The following BRSK2 variants were observed in gnomAD, a reference collection of about 807,000 sequenced individuals.
BRSK2 encodes the protein serine/threonine-protein kinase BRSK2.
In BRSK2, 19 loss-of-function variants were observed where a neutral mutation model predicts 83.3. That is an observed-to-expected ratio of 0.23 (90% CI 0.16 to 0.33). The LOEUF (loss-of-function observed/expected upper bound fraction) is 0.33, where lower values mean the gene tolerates loss of function less well. Ranked by LOEUF, BRSK2 falls within the 10% of genes least tolerant of loss-of-function variation. The probability of loss-of-function intolerance (pLI) is 1.00; values close to 1 mark genes in which losing one functional copy is unlikely to be tolerated. For missense variants in BRSK2, 798 were observed against 1,042.3 expected (o/e 0.77, Z 3.23); for synonymous variants, 519 against 435.4 (o/e 1.19, Z -2.39).
At position 1,443,067 on chromosome 11, in the gene BRSK2, G is replaced by T; in HGVS notation, c.531-39G>T. 3 of 1,524,386 alleles carry T rather than the reference G, an allele frequency of 2.0e-6. No homozygotes were observed. In the South Asian group the frequency reaches 3.6e-5, roughly 19 times the overall value. The allele number at this position is 1,524,386 out of a possible 1,614,324, so 94.4% of individuals were successfully genotyped here. ...CACCCTGGGGGGAGGGCCTGGCAGC[G>T]CCCGGAGCCCCGCCGCTGACCTCTG... is the stretch of plus-strand genomic sequence containing the variant. On this transcript the variant is annotated intron_variant, in intron 5 of 19. Coordinates refer to ENST00000528841, the MANE Select transcript of BRSK2 (RefSeq NM_001256627.2).
rs1033865880 is a variant in BRSK2 at position 1,437,942 on chromosome 11, G to T, written c.187-364G>T. Among the ~76,000 whole-genome samples, 4 of 152,218 alleles carry T rather than the reference G, an allele frequency of 2.6e-5. No homozygotes were observed. In the South Asian group the frequency reaches 6.2e-4, roughly 24 times the overall value. The stretch of plus-strand genomic sequence containing the variant: ...CAGCCCTACAGGCTGGTGTCAGCCC[G>T]GCGGCCTGGGCTCCCTCCACTGAGG... On this transcript the variant is annotated intron_variant, in intron 2 of 19. Transcript: ENST00000528841.
At chr11:1,402,191 T>G (rs1846523191) in intron 1 of BRSK2, among the ~76,000 whole-genome samples, 1 of 152,112 alleles carries the variant, frequency 6.6e-6, no homozygotes, top group Non-Finnish European at 1.5e-5. Flanking sequence ...GACCTTGCGC[T>G]CTCCAGAGGC....
intron 1 of BRSK2, among the ~76,000 whole-genome samples, chr11:1,425,673 C>A (rs1355478873): frequency 1.3e-5 from 2 of 152,196 alleles, no homozygotes; most frequent in Non-Finnish European, 2.9e-5. Flanking sequence ...GCCCCCCACA[C>A]CCCCGCTCGT....
At position 1,459,247 on chromosome 11, in the gene BRSK2, TC is replaced by T; in HGVS notation, c.1987+13del. ...GGCGGCTTTCCAAATGTGGTAAGAA[TC>T]CCCCACGCTCACCTGGCACCTCCAC... On this transcript the variant is annotated intron_variant, in intron 19 of 19. Transcript: ENST00000528841. 6.2e-7 allele frequency: 1 copy of T among 1,612,752 alleles called. No homozygotes were observed. Among genetic ancestry groups the T allele is most frequent in the African/African-American group, 1.3e-5 (1 of 74,976 alleles).
In BRSK2 at chr11:1,460,914, C is replaced by G. The variant is rs745916254; in HGVS notation, c.*191C>G. 6.2e-7 allele frequency: 1 copy of G among 1,611,034 alleles called. No homozygotes were observed. The highest frequency in any genetic ancestry group is 2.2e-5 in the East Asian group (1 of 44,824). Reference sequence around the variant, plus strand: ...CACCCGCGCCCGCTCTCTTTTCTCTCTGTCTCTGCCTCTGCCTGTCTCTGA... The same window carrying G: ...CACCCGCGCCCGCTCTCTTTTCTCTGTGTCTCTGCCTCTGCCTGTCTCTGA... On this transcript the variant is annotated 3_prime_UTR_variant, in exon 20 of 20. Coordinates refer to ENST00000528841, the MANE Select transcript of BRSK2 (RefSeq NM_001256627.2).
chr11:1,457,389 C>G (rs1290244529), intron 18 of BRSK2, among the ~76,000 whole-genome samples: 1 of 152,206 alleles, frequency 6.6e-6, no homozygotes, highest in Non-Finnish European at 1.5e-5. Context: ...GGGGCTTCAC[C>G]ACAGCCTGAT....
chr11:1,446,440 G>A (rs1009943968), intron 12 of BRSK2, among the ~76,000 whole-genome samples: 10 of 152,012 alleles, frequency 6.6e-5, no homozygotes, highest in Admixed American at 6.5e-4. Context: ...GGGCTGAGCT[G>A]GGCTGGGCTG....
chr11:1,450,137 C>G (rs1366861875), intron 13 of BRSK2, among the ~76,000 whole-genome samples: 1 of 151,686 alleles, frequency 6.6e-6, no homozygotes, highest in African/African-American at 2.4e-5. Flanking sequence ...TTCTGGTCCT[C>G]CTGTGCCGTG....
intron 1 of BRSK2, among the ~76,000 whole-genome samples, chr11:1,416,562 C>T (rs530631813): frequency 6.6e-6 from 1 of 152,160 alleles, no homozygotes; most frequent in Non-Finnish European, 1.5e-5. Flanking sequence ...TTGTATTTAG[C>T]CTCAGTTTTG....
chr11:1,409,276 C>G (rs1225593465), intron 1 of BRSK2: 1 of 152,264 alleles, frequency 6.6e-6, no homozygotes, highest in Non-Finnish European at 1.5e-5. Flanking sequence ...CTCATGCTCC[C>G]GTGCCCGCCT....
rs1847560860 is a variant in BRSK2 at position 1,462,040 on chromosome 11, T to C, written c.*1317T>C. On this transcript the variant is annotated 3_prime_UTR_variant, in exon 20 of 20. Coordinates refer to ENST00000528841, the MANE Select transcript of BRSK2 (RefSeq NM_001256627.2). ...AAGGGGTAGGAGGAGGGCCCTCAGC[T>C]GGCCCTCCCCACACACAGGACGGCA... is the stretch of plus-strand genomic sequence containing the variant. The C allele has an allele frequency of 6.6e-6, 1 of 152,120 alleles. No homozygotes were observed. The allele number at this position is 152,120 out of a possible 1,614,324, so 9.4% of individuals were successfully genotyped here. A position where few individuals can be genotyped will look rare whatever the true frequency, so the allele number is the denominator to read the frequency against.
In BRSK2 at chr11:1,461,281, A is replaced by C; in HGVS notation, c.*558A>C. ...CCTGGTGGGCAACGTAGCCACAGGAACAGGCCCCGTCCACCGCCTCCACGC... is the reference window on the plus strand; with the variant it reads ...CCTGGTGGGCAACGTAGCCACAGGACCAGGCCCCGTCCACCGCCTCCACGC... On this transcript the variant is annotated 3_prime_UTR_variant, in exon 20 of 20. Transcript: ENST00000528841. 1 of 488,062 alleles carries C rather than the reference A, an allele frequency of 2.0e-6. No individual in the cohort carries two copies. Among genetic ancestry groups the C allele is most frequent in the Non-Finnish European group, 3.6e-6 (1 of 275,054 alleles). The allele number at this position is 488,062 out of a possible 1,614,324, so 30.2% of individuals were successfully genotyped here.
chr11:1,456,536 G>A lies in BRSK2; in HGVS notation c.1849+8G>A. 1 of 1,590,838 alleles carries A rather than the reference G, an allele frequency of 6.3e-7. No homozygotes were observed. The highest frequency in any genetic ancestry group is 8.6e-7 in the Non-Finnish European group (1 of 1,168,702). On this transcript the variant is annotated splice_region_variant and intron_variant, in intron 17 of 19. Coordinates refer to ENST00000528841, the MANE Select transcript of BRSK2 (RefSeq NM_001256627.2). ...CCTTCACCCTGCTCTCAGGTGAGCT[G>A]GCGCCCCCAGGGCGGCTCCGGGCCC...
rs1847350348 is a variant in BRSK2, at chr11:1,460,598, A to C, written c.2086A>C (p.Ser696Arg). ...AQAPSTPAKRSAHGPLGDSAA... is the reference protein window; with the variant it reads ...AQAPSTPAKRRAHGPLGDSAA... Reference sequence around the variant, plus strand: ...GGCCCCCAGCACGCCCGCCAAGCGGAGTGCCCACGGCCCACTCGGTGACTC... The same window carrying C: ...GGCCCCCAGCACGCCCGCCAAGCGGCGTGCCCACGGCCCACTCGGTGACTC... Residue 696 changes from serine to arginine, a missense_variant, in exon 20 of 20, where the codon AGT (serine) becomes CGT (arginine). By Grantham distance (110) the Ser-to-Arg change is moderately radical. Around this residue, in one of 6 missense-constraint regions of BRSK2, gnomAD observed 455 missense variants for 455.2 expected, o/e 1.00. Transcript: ENST00000528841. 6.5e-7 allele frequency: 1 copy of C among 1,532,198 alleles called. No homozygotes were observed. Among genetic ancestry groups the C allele is most frequent in the African/African-American group, 1.4e-5 (1 of 72,566 alleles). The allele number at this position is 1,532,198 out of a possible 1,614,324, so 94.9% of individuals were successfully genotyped here.
At chr11:1,443,057 G>A in intron 5 of BRSK2, 49 bp from the exon 6 acceptor site, 1 of 1,519,690 alleles carries the variant, frequency 6.6e-7, no homozygotes, top group Non-Finnish European at 8.8e-7. Flanking sequence ...TGGGGGGAGG[G>A]CCTGGCAGCG....
intron 18 of BRSK2, among the ~76,000 whole-genome samples, chr11:1,457,766 T>A (rs1382278577): frequency 2.0e-5 from 3 of 152,096 alleles, no homozygotes; most frequent in Admixed American, 1.3e-4. Context: ...CCCCATGACA[T>A]CCTCATTCCA....
intron 3 of BRSK2, among the ~76,000 whole-genome samples, chr11:1,440,316 A>C (rs1038439202): frequency 2.0e-5 from 3 of 151,596 alleles, no homozygotes; most frequent in Non-Finnish European, 2.9e-5. Context: ...TGTTCCCCCC[A>C]CAGAGGCCCA....
chr11:1,422,562 G>A (rs973575428), intron 1 of BRSK2, among the ~76,000 whole-genome samples: 3 of 152,140 alleles, frequency 2.0e-5, no homozygotes, highest in East Asian at 1.9e-4. Flanking sequence ...CCCCGAGGAT[G>A]CATGGCTGAC....
Position 1,454,457 on chromosome 11 carries a change from C to A in BRSK2, c.1545-28C>A. On this transcript the variant is annotated intron_variant, in intron 15 of 19. Transcript: ENST00000528841. The surrounding 1 kb of genome is among the most constrained non-coding windows in gnomAD (Gnocchi z 5.2). ...GTGTGGACGGTGCCACACCTCAATC[C>A]TCACAGCCTCTGTCTCCCACTGCCC... 5 of 1,611,990 alleles carry A rather than the reference C, an allele frequency of 3.1e-6. No individual in the cohort carries two copies. Among genetic ancestry groups the A allele is most frequent in the Non-Finnish European group, 4.2e-6 (5 of 1,179,474 alleles).
Sources: gnomAD v4.1 joint callset for allele counts (sites outside exome capture counted in the v4.1 genomes callset) on GRCh38, gnomAD v4.1.1 for gene constraint, gnomAD v4.1.1 regional missense constraint, Gnocchi (gnomAD v3.1) non-coding constraint, MANE v1.5 for transcripts, NCBI Gene and HGNC (gene_info 2026-07-23, HGNC 2026-07-21) for gene names.